The following ZBED6 variants were observed in gnomAD, a reference collection of about 807,000 sequenced individuals.
ZBED6 encodes the protein zinc finger BED-type containing 6, also known as zinc finger BED domain-containing protein 6.
A neutral mutation model predicts 58.4 loss-of-function variants in ZBED6; 40 were observed. The ratio of observed to expected loss-of-function variants is 0.68; its 90% CI spans 0.53 to 0.89. The LOEUF is 0.89. Among genes scored for constraint, ZBED6 ranks in the 40% least tolerant of loss-of-function variants. The pLI is 0.00. For synonymous variants in ZBED6, 439 were observed against 350.6 expected, an observed-to-expected ratio of 1.25 and a Z score of -2.82; for missense variants, 1,057 against 1,003.9, an observed-to-expected ratio of 1.05 and a Z score of -0.71.
intron 8 of ZBED6, among the ~76,000 whole-genome samples, chr1:203,833,487 C>T (rs1281907155): frequency 6.6e-6 from 1 of 151,558 alleles, no homozygotes; most frequent in Non-Finnish European, 1.5e-5. Flanking sequence ...GCCAAGATGG[C>T]ACCACTGCAC....
At chr1:203,822,439 G>A (rs80021399) in intron 3 of ZBED6, among the ~76,000 whole-genome samples, 2,643 of 151,860 alleles carry the variant, frequency 0.017, 69 homozygotes, top group African/African-American at 0.056. Flanking sequence ...CCCCCAACAC[G>A]ATCCCTATAA....
chr1:203,806,691 GCTTAT>G (rs1245026210), intron 1 of ZBED6, among the ~76,000 whole-genome samples: 6 of 152,122 alleles, frequency 3.9e-5, no homozygotes, highest in Non-Finnish European at 7.4e-5. Context: ...TCCTTTTTTC[GCTTAT>G]CTTGAGTTAG....
At chr1:203,834,047 T>C (rs1384845135) in intron 9 of ZBED6, 194 bp downstream of exon 9, 1 of 1,251,990 alleles carries the variant, frequency 8.0e-7, no homozygotes, top group East Asian at 3.2e-5. Flanking sequence ...AGTGTTACAA[T>C]TGAACTAGAT....
intron 9 of ZBED6, among the ~76,000 whole-genome samples, chr1:203,837,684 C>T (rs1485270866): frequency 6.6e-6 from 1 of 152,038 alleles, no homozygotes; most frequent in Non-Finnish European, 1.5e-5. Flanking sequence ...TGCTGTGTTG[C>T]CCAGGCTGGT....
At chr1:203,797,691 A>G (rs1298937139) in exon 1 of ZBED6, 6 of 1,535,630 alleles carry the variant, frequency 3.9e-6, no homozygotes, top group South Asian at 2.4e-5. Context: ...TAAAGAGGCA[A>G]AACAGCCTGC....
intron 3 of ZBED6, among the ~76,000 whole-genome samples, chr1:203,821,390 C>T (rs1037075479): frequency 1.3e-5 from 2 of 151,970 alleles, no homozygotes; most frequent in Non-Finnish European, 2.9e-5. Context: ...ATGTGGTTTT[C>T]TATTTTAATC....
At chr1:203,812,778 C>A (rs1404624110) in intron 1 of ZBED6, among the ~76,000 whole-genome samples, 1 of 152,090 alleles carries the variant, frequency 6.6e-6, no homozygotes, top group East Asian at 1.9e-4. Context: ...GATGGGGTCT[C>A]ACCATGTTTG....
chr1:203,838,634 T>C (rs992043894), intron 10 of ZBED6, among the ~76,000 whole-genome samples: 15 of 152,256 alleles, frequency 9.9e-5, no homozygotes, highest in African/African-American at 2.6e-4. Flanking sequence ...GGACTTATTC[T>C]AAGATAGTAA....
At chr1:203,847,255 A>G (rs1386134527) in exon 12 of ZBED6, 7 of 1,613,838 alleles carry the variant, frequency 4.3e-6, no homozygotes, top group Non-Finnish European at 5.9e-6. Context: ...AGCCAGTCAG[A>G]AACGTGGAGA....
chr1:203,805,564 A>G, intron 1 of ZBED6: 1 of 603,232 alleles, frequency 1.7e-6, no homozygotes. Context: ...ATTTGGAAAG[A>G]TCAGTATTTC....
At chr1:203,801,078 A>G (rs1670424884) in exon 1 of ZBED6, 1 of 152,202 alleles carries the variant, frequency 6.6e-6, no homozygotes, top group South Asian at 2.1e-4. Flanking sequence ...AGGAAAATAT[A>G]CTTTTAGTCT....
chr1:203,820,679 G>A (rs1277213363), intron 3 of ZBED6, among the ~76,000 whole-genome samples: 2 of 151,852 alleles, frequency 1.3e-5, no homozygotes, highest in Non-Finnish European at 2.9e-5. Flanking sequence ...GAGGTTTCGC[G>A]ATGTTGGCCA....
At chr1:203,839,908 A>T (rs1685549780) in intron 10 of ZBED6, among the ~76,000 whole-genome samples, 1 of 152,062 alleles carries the variant, frequency 6.6e-6, no homozygotes, top group Non-Finnish European at 1.5e-5. Context: ...GGTTCAAACG[A>T]TTCTCCTGTC....
At chr1:203,847,271 A>T (rs1346004627) in exon 12 of ZBED6, 8 of 1,613,874 alleles carry the variant, frequency 5.0e-6, no homozygotes, top group Non-Finnish European at 6.8e-6. Flanking sequence ...GGAGAATTGC[A>T]AACTAAACTC....
At chr1:203,845,507 A>C (rs149818233) in intron 11 of ZBED6, among the ~76,000 whole-genome samples, 1 of 152,320 alleles carries the variant, frequency 6.6e-6, no homozygotes, top group African/African-American at 2.4e-5. Context: ...CAGTGTACTG[A>C]GTGTTCAGTG....
chr1:203,832,974 G>C (rs956170181), intron 8 of ZBED6, among the ~76,000 whole-genome samples: 1 of 152,118 alleles, frequency 6.6e-6, no homozygotes, highest in African/African-American at 2.4e-5. Context: ...TGGCTTACAT[G>C]TATAATCCCA....
At chr1:203,848,340 A>T in exon 13 of ZBED6, 1 of 1,612,788 alleles carries the variant, frequency 6.2e-7, no homozygotes, top group Non-Finnish European at 8.5e-7. Context: ...GGGATGAAAG[A>T]AGAGAAGAAC....
intron 3 of ZBED6, among the ~76,000 whole-genome samples, chr1:203,826,201 G>C (rs952876688): frequency 1.3e-5 from 2 of 152,092 alleles, no homozygotes; most frequent in Non-Finnish European, 2.9e-5. Context: ...ATTCTTCCTA[G>C]TTCTTTGAAA....
chr1:203,810,429 T>A (rs1406721022), intron 1 of ZBED6, among the ~76,000 whole-genome samples: 2 of 151,298 alleles, frequency 1.3e-5, no homozygotes. Flanking sequence ...TTAGGTTTTT[T>A]TTTTTTTTGA....
Sources: allele counts gnomAD v4.1 joint callset (sites outside exome capture counted in the v4.1 genomes callset), GRCh38; gene constraint gnomAD v4.1.1; transcripts MANE v1.5; gene names NCBI Gene and HGNC (gene_info 2026-07-23, HGNC 2026-07-21).